CPNE4: variants seen among roughly 807,000 people sequenced by gnomAD.
CPNE4 encodes copine-4.
CPNE4 carries 25 observed loss-of-function variants against 67.9 expected under a neutral mutation model. That is an observed-to-expected ratio of 0.37 (90% CI 0.27 to 0.51). The LOEUF (loss-of-function observed/expected upper bound fraction) is 0.51. CPNE4 is among the 20% of genes least tolerant of loss of function. The pLI is 0.93. For missense variants in CPNE4, 464 were observed against 690.8 expected, an observed-to-expected ratio of 0.67 and a Z score of 3.68; for synonymous variants, 242 against 244.9, an observed-to-expected ratio of 0.99 and a Z score of 0.11.
chr3:131,575,019 C>T (rs983295062), intron 10 of CPNE4, 52 bp downstream of exon 10: 4 of 1,494,908 alleles, frequency 2.7e-6, no homozygotes, highest in Non-Finnish European at 3.7e-6. Context: ...TGCCACCCCT[C>T]ATCTCTTGAT....
At chr3:131,842,321 C>G (rs180933940) in intron 2 of CPNE4, among the ~76,000 whole-genome samples, 143 of 152,304 alleles carry the variant, frequency 9.4e-4, no homozygotes, top group African/African-American at 3.4e-3. Context: ...TCAGCAGGTT[C>G]TAGAGCTCCA....
intron 1 of CPNE4, among the ~76,000 whole-genome samples, chr3:132,000,708 G>A (rs1381773874): frequency 6.6e-6 from 1 of 151,654 alleles, no homozygotes; most frequent in African/African-American, 2.4e-5. Flanking sequence ...ATTGCAGGCA[G>A]ACAGAATAAA....
intron 7 of CPNE4, among the ~76,000 whole-genome samples, chr3:131,642,291 T>C (rs1308680020): frequency 6.6e-6 from 1 of 151,850 alleles, no homozygotes; most frequent in Non-Finnish European, 1.5e-5. Flanking sequence ...GTCAGCTGAA[T>C]TGGACAGTAA....
At chr3:131,672,303 A>G (rs556851668) in intron 6 of CPNE4, among the ~76,000 whole-genome samples, 1 of 152,286 alleles carries the variant, frequency 6.6e-6, no homozygotes, top group East Asian at 1.9e-4. Flanking sequence ...GAGGGCAGAT[A>G]TCTCCTGTAT....
chr3:131,729,364 G>T (rs565169674), intron 2 of CPNE4, among the ~76,000 whole-genome samples: 1 of 152,230 alleles, frequency 6.6e-6, no homozygotes, highest in African/African-American at 2.4e-5. Flanking sequence ...TTTATTACAG[G>T]CAATTTTTCA....
intron 1 of CPNE4, among the ~76,000 whole-genome samples, chr3:131,982,539 A>G (rs574340314): frequency 6.6e-6 from 1 of 152,294 alleles, no homozygotes; most frequent in African/African-American, 2.4e-5. Context: ...ACAATTTCTC[A>G]TCCCCTTTAC....
At chr3:131,609,394 G>A (rs1939693669) in intron 7 of CPNE4, among the ~76,000 whole-genome samples, 1 of 152,124 alleles carries the variant, frequency 6.6e-6, no homozygotes, top group Admixed American at 6.6e-5. Flanking sequence ...AATGTGATGT[G>A]TTTCACCTCT....
chr3:132,014,397 C>T (rs984711009), intron 1 of CPNE4, among the ~76,000 whole-genome samples: 1 of 152,028 alleles, frequency 6.6e-6, no homozygotes, highest in African/African-American at 2.4e-5. Flanking sequence ...GGAACAAGCA[C>T]CCTGACTTTC....
At chr3:131,734,468 A>G (rs2082192897) in intron 2 of CPNE4, among the ~76,000 whole-genome samples, 1 of 152,222 alleles carries the variant, frequency 6.6e-6, no homozygotes, top group Admixed American at 6.5e-5. Flanking sequence ...ATGATCACTT[A>G]GCAATGCCCG....
intron 1 of CPNE4, among the ~76,000 whole-genome samples, chr3:131,963,777 C>T (rs9868674): frequency 0.36 from 54,441 of 151,834 alleles, 10,163 homozygotes; most frequent in Non-Finnish European, 0.42. Flanking sequence ...TGGGACAGAG[C>T]AGCTGGGGGA....
At chr3:131,950,989 G>C (rs2071705311) in intron 1 of CPNE4, among the ~76,000 whole-genome samples, 1 of 152,110 alleles carries the variant, frequency 6.6e-6, no homozygotes, top group Non-Finnish European at 1.5e-5. Flanking sequence ...TTCATTTCCT[G>C]TTGTTTGTTG....
chr3:131,572,671 A>T (rs1937397217), intron 10 of CPNE4, among the ~76,000 whole-genome samples: 1 of 152,050 alleles, frequency 6.6e-6, no homozygotes, highest in African/African-American at 2.4e-5. Flanking sequence ...TGGTGCTTGA[A>T]GGCCTTTCTC....
chr3:131,857,251 A>G (rs1177399577), intron 2 of CPNE4, among the ~76,000 whole-genome samples: 3 of 152,086 alleles, frequency 2.0e-5, no homozygotes, highest in African/African-American at 7.2e-5. Context: ...GCCAATGCGT[A>G]TCATATATTT....
intron 1 of CPNE4, among the ~76,000 whole-genome samples, chr3:131,916,845 A>T (rs201073673): frequency 6.6e-6 from 1 of 152,224 alleles, no homozygotes; most frequent in East Asian, 1.9e-4. Flanking sequence ...CACTGGACAT[A>T]CTGAACTACT....
chr3:131,925,794 C>T (rs1464455728), intron 1 of CPNE4, among the ~76,000 whole-genome samples: 1 of 152,146 alleles, frequency 6.6e-6, no homozygotes, highest in Non-Finnish European at 1.5e-5. Context: ...GGCAGCCTCC[C>T]CAGGGCTACA....
chr3:131,956,529 A>G (rs1022834583), intron 1 of CPNE4, among the ~76,000 whole-genome samples: 1 of 152,232 alleles, frequency 6.6e-6, no homozygotes, highest in Non-Finnish European at 1.5e-5. Context: ...CTTGTAATCC[A>G]GTAAAATTCT....
chr3:132,020,687 C>T (rs1338299764), intron 1 of CPNE4, among the ~76,000 whole-genome samples: 2 of 152,146 alleles, frequency 1.3e-5, no homozygotes, highest in African/African-American at 4.8e-5. Context: ...TCATCCATAG[C>T]TCTCCAACTC....
chr3:131,860,022 T>A (rs1249998974), intron 2 of CPNE4, among the ~76,000 whole-genome samples: 1 of 152,164 alleles, frequency 6.6e-6, no homozygotes, highest in African/African-American at 2.4e-5. Flanking sequence ...TTTTTTCTTA[T>A]CCTCAACAAA....
At chr3:131,674,695 T>C (rs553444278) in intron 6 of CPNE4, among the ~76,000 whole-genome samples, 1 of 152,080 alleles carries the variant, frequency 6.6e-6, no homozygotes, top group African/African-American at 2.4e-5. Context: ...TTTATTTGGG[T>C]ATTCTGTCTT....
Sources: gnomAD v4.1 joint callset for allele counts (sites outside exome capture counted in the v4.1 genomes callset) on GRCh38, gnomAD v4.1.1 for gene constraint, MANE v1.5 for transcripts, NCBI Gene and HGNC (gene_info 2026-07-23, HGNC 2026-07-21) for gene names.